Variants in UGT1A8 observed in about 807,000 individuals in gnomAD.
UGT1A8 encodes UDP-glucuronosyltransferase 1A8.
In UGT1A8, 39 loss-of-function variants were observed where a neutral mutation model predicts 45.3. The ratio of observed to expected loss-of-function variants is 0.86; its 90% CI spans 0.67 to 1.12. UGT1A8 has a LOEUF of 1.12. Among genes scored for constraint, UGT1A8 ranks in the 50% most tolerant of loss-of-function variants. The probability of loss-of-function intolerance (pLI) is 0.00; values close to 1 mark genes in which losing one functional copy is unlikely to be tolerated. For synonymous variants in UGT1A8, 275 were observed against 249.2 expected, an observed-to-expected ratio of 1.10 and a Z score of -0.97; for missense variants, 719 against 664.9, an observed-to-expected ratio of 1.08 and a Z score of -0.90.
intron 1 of UGT1A8, among the ~76,000 whole-genome samples, chr2:233,710,055 G>A (rs2076107757): frequency 6.6e-6 from 1 of 152,172 alleles, no homozygotes; most frequent in Non-Finnish European, 1.5e-5. Context: ...CTTTGGCTCG[G>A]CATAATGTCT....
chr2:233,692,795 C>G (rs866165884), intron 1 of UGT1A8: 7 of 1,377,094 alleles, frequency 5.1e-6, no homozygotes, highest in African/African-American at 2.9e-5. Flanking sequence ...TGAAAGCTGA[C>G]ACGGCCATAG....
At position 233,648,246 on chromosome 2, in the gene UGT1A8, G is replaced by A. The variant is rs182297279; in HGVS notation, c.855+29684G>A. ...ACTGAAAATTAGTAGAATACTTAAA[G>A]GAGAGTTCTTTTGATGCGGTGTTTC... On this transcript the variant is annotated intron_variant, in intron 1 of 4. Coordinates refer to ENST00000373450, the MANE Select transcript of UGT1A8 (RefSeq NM_019076.5). 8.9e-4 allele frequency: 548 copies of A among 615,848 alleles called. 3 individuals carry two copies. The African/African-American group carries it at 9.0e-3, about 10-fold the overall frequency. The allele number at this position is 615,848 out of a possible 1,614,324, so 38.1% of individuals were successfully genotyped here.
intron 1 of UGT1A8, chr2:233,689,886 AT>A (rs2074964771): frequency 2.2e-6 from 1 of 456,640 alleles, no homozygotes; most frequent in African/African-American, 2.0e-5. Context: ...CAAGTGCCTT[AT>A]TTATTTCTCA....
intron 1 of UGT1A8, chr2:233,719,659 A>G: frequency 1.9e-6 from 3 of 1,614,092 alleles, no homozygotes; most frequent in South Asian, 1.1e-5. Context: ...GGGGGCATCA[A>G]CTGTGCCAAC....
intron 1 of UGT1A8, among the ~76,000 whole-genome samples, chr2:233,687,568 A>C (rs6754100): frequency 0.67 from 95,836 of 142,336 alleles, 33,409 homozygotes; most frequent in African/African-American, 0.84. Flanking sequence ...AGAATTCAAG[A>C]CCATACATTC....
At chr2:233,636,907 A>C (rs1575391003) in intron 1 of UGT1A8, 1 of 1,614,086 alleles carries the variant, frequency 6.2e-7, no homozygotes, top group Non-Finnish European at 8.5e-7. Context: ...GAGTTTGTTT[A>C]ATGACCGAAA....
intron 1 of UGT1A8, among the ~76,000 whole-genome samples, chr2:233,736,127 C>T (rs143835193): frequency 0.028 from 4,197 of 152,268 alleles, 184 homozygotes; most frequent in African/African-American, 0.094. Flanking sequence ...TTCCATTCTC[C>T]GCATCACTTT....
In UGT1A8 at chr2:233,769,615, T is replaced by C. The variant is rs1284239952; in HGVS notation, c.1295+1176T>C. 10 of 1,612,642 alleles carry C rather than the reference T, an allele frequency of 6.2e-6. No homozygotes were observed. The highest frequency in any genetic ancestry group is 4.5e-5 in the East Asian group (2 of 44,898). On this transcript the variant is annotated intron_variant, in intron 4 of 4. Coordinates refer to ENST00000373450, the MANE Select transcript of UGT1A8 (RefSeq NM_019076.5). This position sits in a 1 kb window ranked among gnomAD's most constrained non-coding sequence, Gnocchi z 4.4. The stretch of plus-strand genomic sequence containing the variant: ...GACGGAACACGGGGACACACCAGCT[T>C]GAGCAAGGGACAACAGGGGAGGACT...
At chr2:233,719,330 GT>G (rs780658532) in intron 1 of UGT1A8, 4 of 1,613,748 alleles carry the variant, frequency 2.5e-6, no homozygotes, top group Non-Finnish European at 3.4e-6. Flanking sequence ...TTCCTGCTGT[GT>G]TTTTTTGGAG....
intron 1 of UGT1A8, among the ~76,000 whole-genome samples, chr2:233,676,024 T>C (rs2074343240): frequency 6.6e-6 from 1 of 152,154 alleles, no homozygotes; most frequent in South Asian, 2.1e-4. Context: ...AATAAACCCA[T>C]ACATATACAT....
intron 1 of UGT1A8, chr2:233,753,711 A>G (rs577048191): frequency 6.6e-6 from 1 of 152,346 alleles, no homozygotes; most frequent in East Asian, 1.9e-4. Context: ...GGCTTTCATC[A>G]ACCTAATTTG....
intron 1 of UGT1A8, among the ~76,000 whole-genome samples, chr2:233,699,481 C>T (rs2075508169): frequency 6.6e-6 from 1 of 152,178 alleles, no homozygotes; most frequent in Non-Finnish European, 1.5e-5. Flanking sequence ...AAATCCTAGT[C>T]TCTTCTACTT....
At chr2:233,633,975 T>A (rs930720172) in intron 1 of UGT1A8, among the ~76,000 whole-genome samples, 19 of 152,206 alleles carry the variant, frequency 1.2e-4, no homozygotes, top group African/African-American at 4.1e-4. Context: ...TGAACATAGA[T>A]TTAGCTGTGT....
chr2:233,660,153 A>G (rs941774901), intron 1 of UGT1A8, among the ~76,000 whole-genome samples: 3 of 152,202 alleles, frequency 2.0e-5, no homozygotes, highest in African/African-American at 7.2e-5. Context: ...TGTATTGTTT[A>G]GGGCTTGATG....
chr2:233,636,464 C>A, intron 1 of UGT1A8: 1 of 1,553,928 alleles, frequency 6.4e-7, no homozygotes, highest in Non-Finnish European at 8.7e-7. Context: ...GTACTTCTTC[C>A]GCCTACTGTA....
At chr2:233,672,045 C>G (rs1369123983) in intron 1 of UGT1A8, 1 of 1,614,022 alleles carries the variant, frequency 6.2e-7, no homozygotes, top group African/African-American at 1.3e-5. Context: ...ATGGGAGCCA[C>G]TGGTTCACCA....
At chr2:233,682,616 G>A in intron 1 of UGT1A8, 2 of 1,613,848 alleles carry the variant, frequency 1.2e-6, no homozygotes, top group Non-Finnish European at 1.7e-6. Context: ...TTTCAAAAAT[G>A]TCTTAGAAAT....
Position 233,768,202 on chromosome 2 carries a change from C to A in UGT1A8, c.1076-18C>A. 6.2e-7 allele frequency: 1 copy of A among 1,614,156 alleles called. No individual in the cohort carries two copies. On this transcript the variant is annotated intron_variant, in intron 3 of 4. Transcript: ENST00000373450. ...TCAGAGATGTAACTGCTGACATCCT[C>A]CCTATTTTGCATCTCAGGTCACCCG...
Position 233,636,100 on chromosome 2 carries a change from T to A in UGT1A8, c.855+17538T>A, listed in dbSNP as rs148868261. Among the ~76,000 whole-genome samples, 353 of 151,098 alleles carry A rather than the reference T, an allele frequency of 2.3e-3. 23 individuals are homozygous for A. The highest frequency in any genetic ancestry group is 8.3e-3 in the African/African-American group (340 of 40,968). ...TTTCCCTGGAACATGAGATGCCAAT[T>A]TCTTTCTGGACAGAGAGTATTTGGT... is the stretch of plus-strand genomic sequence containing the variant. On this transcript the variant is annotated intron_variant, in intron 1 of 4. Transcript: ENST00000373450.
Sources: gnomAD v4.1 joint callset for allele counts (sites outside exome capture counted in the v4.1 genomes callset) on GRCh38, gnomAD v4.1.1 for gene constraint, Gnocchi (gnomAD v3.1) non-coding constraint, MANE v1.5 for transcripts, NCBI Gene and HGNC (gene_info 2026-07-23, HGNC 2026-07-21) for gene names.